Variants in ANKRD26 observed in about 807,000 individuals in gnomAD.
The protein encoded by ANKRD26 is ankyrin repeat domain-containing protein 26.
In ANKRD26, 141 loss-of-function variants were observed where a neutral mutation model predicts 208.7. The observed-to-expected ratio is 0.68, with a 90% CI of 0.59 to 0.78. The LOEUF is 0.78. ANKRD26 is among the 30% of genes least tolerant of loss of function. The pLI, the probability that ANKRD26 is intolerant of heterozygous loss-of-function variation, is 0.00. For missense variants in ANKRD26, 1,889 were observed against 1,938.7 expected (o/e 0.97, Z 0.48); for synonymous variants, 636 against 660.4 (o/e 0.96, Z 0.57).
chr10:27,039,686 T>G (rs2054165246), intron 21 of ANKRD26, among the ~76,000 whole-genome samples: 1 of 152,144 alleles, frequency 6.6e-6, no homozygotes, highest in Admixed American at 6.5e-5. Context: ...GCATTAACTA[T>G]AATACAAAAA....
chr10:27,046,320 T>G, intron 18 of ANKRD26, 33 bp downstream of exon 18: 1 of 1,607,414 alleles, frequency 6.2e-7, no homozygotes, highest in Non-Finnish European at 8.5e-7. Flanking sequence ...CTAACCTTCC[T>G]CCATAGAAAA....
chr10:27,030,540 G>C, intron 25 of ANKRD26: 9 of 985,350 alleles, frequency 9.1e-6, no homozygotes, highest in Non-Finnish European at 1.1e-5. Context: ...GTACGGTGTA[G>C]GAGAAAAGCT....
At chr10:27,068,860 T>TAA (rs79173744) in intron 9 of ANKRD26, among the ~76,000 whole-genome samples, 157 of 125,614 alleles carry the variant, frequency 1.2e-3, no homozygotes, top group Middle Eastern at 4.0e-3. Context: ...TTGGGCATCC[T>TAA]AAAAAAAAAA....
intron 13 of ANKRD26, among the ~76,000 whole-genome samples, 160 bp from the exon 14 acceptor site, chr10:27,060,700 AC>A (rs2055024019): frequency 6.6e-6 from 1 of 152,240 alleles, no homozygotes; most frequent in African/African-American, 2.4e-5. Flanking sequence ...CAGCAACATG[AC>A]AGAAGTATAC....
At chr10:27,026,336 T>G (rs2053656441) in intron 27 of ANKRD26, among the ~76,000 whole-genome samples, 1 of 152,244 alleles carries the variant, frequency 6.6e-6, no homozygotes, top group Non-Finnish European at 1.5e-5. Context: ...TACTAAATTT[T>G]CCATTTCTGA....
chr10:27,055,717 G>C (rs971133631), intron 15 of ANKRD26, among the ~76,000 whole-genome samples: 1 of 152,122 alleles, frequency 6.6e-6, no homozygotes, highest in African/African-American at 2.4e-5. Context: ...CAGACTATGT[G>C]TACACAGCTG....
chr10:27,035,208 T>C lies in ANKRD26; in HGVS notation c.3242A>G (p.His1081Arg), dbSNP rs780561288. 6.2e-7 allele frequency: 1 copy of C among 1,614,094 alleles called. No individual in the cohort carries two copies. Among genetic ancestry groups the C allele is most frequent in the South Asian group, 1.1e-5 (1 of 91,080 alleles). ...TTCTCTGAGGGCATCTCTCGTGTGA[T>C]GGAACTCAATTTCTAGGCTATTGAG... is the stretch of plus-strand genomic sequence containing the variant. Reference protein sequence around the residue: ...SKLNSLEIEFHHTRDALREKT... With the variant: ...SKLNSLEIEFRHTRDALREKT... Residue 1081 changes from histidine to arginine, a missense_variant, in exon 24 of 34, where the codon CAT becomes CGT. Transcript: ENST00000376087.
intron 28 of ANKRD26, among the ~76,000 whole-genome samples, chr10:27,024,185 A>T (rs1030725732): frequency 6.6e-6 from 1 of 152,194 alleles, no homozygotes; most frequent in Non-Finnish European, 1.5e-5. Context: ...TAAAAGTTCA[A>T]AGTAAAAGAT....
At chr10:26,989,920 AG>A (rs1345851589), downstream of ANKRD26, among the ~76,000 whole-genome samples, 1 of 152,018 alleles carries the variant, frequency 6.6e-6, no homozygotes, top group African/African-American at 2.4e-5. Flanking sequence ...GGAAGCACCA[AG>A]GGGGAAGTAA....
rs757189123 is a variant in ANKRD26 at position 27,035,294 on chromosome 10, C to T, written c.3156G>A (p.Val1052=). The change falls in exon 24 of 34, where the codon GTG becomes GTA. Residue 1052 remains valine (V), a synonymous_variant. Transcript: ENST00000376087. Reference sequence around the variant, plus strand: ...TCTCATTGTTATCTTTTAGGTTAGACACATCAAAATTCATTTTGTCCTGTA... The same window carrying T: ...TCTCATTGTTATCTTTTAGGTTAGATACATCAAAATTCATTTTGTCCTGTA... The part of the protein sequence containing the change: ...SRLQDKMNFD[V]SNLKDNNEIL... 5.0e-6 allele frequency: 8 copies of T among 1,613,850 alleles called. No individual in the cohort carries two copies. The highest frequency in any genetic ancestry group is 6.8e-6 in the Non-Finnish European group (8 of 1,179,850).
chr10:26,967,891 C>T, the ANKRD26 span, among the ~76,000 whole-genome samples: 1 of 151,766 alleles, frequency 6.6e-6, no homozygotes, highest in South Asian at 2.1e-4. Context: ...TTCTGGACAG[C>T]ATCCTCTCTT....
intron 4 of ANKRD26, among the ~76,000 whole-genome samples, chr10:26,981,039 T>C (rs1005749905): frequency 2.0e-5 from 3 of 152,168 alleles, no homozygotes; most frequent in Non-Finnish European, 4.4e-5. Context: ...TGTTGAGTTT[T>C]TGTGCATGCA....
chr10:27,032,645 A>AC (rs1383823050), intron 25 of ANKRD26, among the ~76,000 whole-genome samples: 1 of 149,700 alleles, frequency 6.7e-6, no homozygotes, highest in East Asian at 2.0e-4. Flanking sequence ...CAAAAAAAAA[A>AC]CAAAAAACAA....
At position 27,086,766 on chromosome 10, in the gene ANKRD26, T is replaced by C. The variant is rs1019176931; in HGVS notation, c.639-157A>G. Among the ~76,000 whole-genome samples, 554 of 125,024 alleles carry C rather than the reference T, an allele frequency of 4.4e-3. 5 individuals are homozygous for C. Among genetic ancestry groups the C allele is most frequent in the Non-Finnish European group, 6.5e-3 (419 of 64,184 alleles). The allele number at this position is 125,024 out of a possible 152,430, so 82.0% of individuals were successfully genotyped here. A position where few individuals can be genotyped will look rare whatever the true frequency, so the allele number is the denominator to read the frequency against. ...AAATATGTAAGCTCTACAAACTTTT[T>C]TGTTTTTTTTTTTTTTTTTTTTTGA... On this transcript the variant is annotated intron_variant, in intron 4 of 33. Coordinates refer to ENST00000376087, the MANE Select transcript of ANKRD26 (RefSeq NM_014915.3).
chr10:26,971,499 AC>A (rs1291964569), downstream of ANKRD26, among the ~76,000 whole-genome samples: 1 of 151,490 alleles, frequency 6.6e-6, no homozygotes, highest in Non-Finnish European at 1.5e-5. Flanking sequence ...ACATGGTAAA[AC>A]CCCATCTCGA....
At chr10:27,064,963 G>A (rs543033375) in intron 11 of ANKRD26, among the ~76,000 whole-genome samples, 1 of 152,264 alleles carries the variant, frequency 6.6e-6, no homozygotes, top group Non-Finnish European at 1.5e-5. Flanking sequence ...TGGTGATGAT[G>A]GTTACCCCGC....
chr10:27,088,095 T>G (rs923134349), intron 4 of ANKRD26, among the ~76,000 whole-genome samples: 1 of 152,198 alleles, frequency 6.6e-6, no homozygotes, highest in Admixed American at 6.5e-5. Flanking sequence ...CTCACTTTTA[T>G]TTTAAGTTCC....
intron 4 of ANKRD26, among the ~76,000 whole-genome samples, chr10:27,089,772 CAG>C (rs1245329594): frequency 5.9e-5 from 9 of 152,176 alleles, no homozygotes; most frequent in Non-Finnish European, 1.0e-4. Flanking sequence ...GCCCAGGTGA[CAG>C]AGTGAGACCC....
chr10:27,071,001 C>T (rs916016540), intron 9 of ANKRD26, among the ~76,000 whole-genome samples: 7 of 151,994 alleles, frequency 4.6e-5, no homozygotes, highest in African/African-American at 1.5e-4. Flanking sequence ...GCAATCTTTC[C>T]TTCCTTATGA....
Sources: allele counts gnomAD v4.1 joint callset (sites outside exome capture counted in the v4.1 genomes callset), GRCh38; gene constraint gnomAD v4.1.1; transcripts MANE v1.5; gene names NCBI Gene and HGNC (gene_info 2026-07-23, HGNC 2026-07-21).